Variants in MCTP2 observed in about 807,000 individuals in gnomAD.
MCTP2 encodes the protein multiple C2 and transmembrane domain containing 2, also known as multiple C2 and transmembrane domain-containing protein 2.
In MCTP2, 132 loss-of-function variants were observed where a neutral mutation model predicts 111.6. That is an observed-to-expected ratio of 1.18 (90% CI 1.03 to 1.37). The LOEUF is 1.37. Ranked by LOEUF, MCTP2 falls within the 40% of genes most tolerant of loss-of-function variation. MCTP2 has a pLI of 0.00. For missense variants in MCTP2, 1,183 were observed against 1,067.9 expected (o/e 1.11, Z -1.50); for synonymous variants, 395 against 387.7 (o/e 1.02, Z -0.22).
intron 2 of MCTP2, among the ~76,000 whole-genome samples, chr15:94,307,508 T>G (rs1431592502): frequency 6.6e-6 from 1 of 151,966 alleles, no homozygotes; most frequent in East Asian, 1.9e-4. Flanking sequence ...GAGGCGGCAA[T>G]GGGAGGAGAT....
chr15:94,283,846 C>T (rs1456872065), intron 1 of MCTP2, among the ~76,000 whole-genome samples: 1 of 152,130 alleles, frequency 6.6e-6, no homozygotes, highest in Non-Finnish European at 1.5e-5. Flanking sequence ...ATTCCAACCC[C>T]AAAACACAAT....
At chr15:94,242,907 ATACACATATACACG>A (rs1161815261) in intron 1 of MCTP2, among the ~76,000 whole-genome samples, 4 of 147,786 alleles carry the variant, frequency 2.7e-5, no homozygotes, top group Admixed American at 2.7e-4. Context: ...ATATATATGT[ATACACATATACACG>A]TACACATATA....
At chr15:94,440,880 A>C (rs1054179217) in intron 18 of MCTP2, among the ~76,000 whole-genome samples, 1 of 152,136 alleles carries the variant, frequency 6.6e-6, no homozygotes, top group African/African-American at 2.4e-5. Context: ...TCTCAAAGAC[A>C]TCTCTCCGCA....
chr15:94,240,980 A>G (rs2070904290), intron 1 of MCTP2, among the ~76,000 whole-genome samples: 1 of 152,180 alleles, frequency 6.6e-6, no homozygotes, highest in Non-Finnish European at 1.5e-5. Flanking sequence ...ATCTATTATT[A>G]GCATTAAGAC....
At chr15:94,326,743 T>G (rs2152383958) in intron 4 of MCTP2, among the ~76,000 whole-genome samples, 1 of 151,838 alleles carries the variant, frequency 6.6e-6, no homozygotes, top group East Asian at 1.9e-4. Context: ...AATTTTTGTG[T>G]TTTTAGTAGA....
At chr15:94,323,803 C>G (rs1365729970) in intron 4 of MCTP2, among the ~76,000 whole-genome samples, 9 of 152,144 alleles carry the variant, frequency 5.9e-5, no homozygotes, top group African/African-American at 2.2e-4. Flanking sequence ...CAGCCATTGC[C>G]TGTGTGTTGT....
intron 20 of MCTP2, among the ~76,000 whole-genome samples, chr15:94,467,682 G>GAGAAGACATTTATGTACTGCCCCT (rs1291384791): frequency 7.9e-5 from 12 of 152,080 alleles, no homozygotes; most frequent in African/African-American, 2.9e-4. Flanking sequence ...AACCAGCCTG[G>GAGAAGACATTTATGTACTGCCCCT]AGAAGACATT....
At chr15:94,456,506 T>C (rs1246234020) in intron 19 of MCTP2, among the ~76,000 whole-genome samples, 1 of 152,218 alleles carries the variant, frequency 6.6e-6, no homozygotes, top group African/African-American at 2.4e-5. Flanking sequence ...ACATGAATAC[T>C]TATGTGGCAG....
intron 21 of MCTP2, among the ~76,000 whole-genome samples, chr15:94,472,143 C>G (rs536177296): frequency 6.6e-6 from 1 of 152,140 alleles, no homozygotes; most frequent in African/African-American, 2.4e-5. Flanking sequence ...TTTGGGAGGC[C>G]GAGGCGGGCA....
chr15:94,334,363 A>G (rs899085941), intron 4 of MCTP2, among the ~76,000 whole-genome samples: 2 of 152,238 alleles, frequency 1.3e-5, no homozygotes, highest in African/African-American at 2.4e-5. Context: ...CATTCATCAC[A>G]TAAGTATAAT....
chr15:94,466,879 G>A (rs1465568822), intron 20 of MCTP2, among the ~76,000 whole-genome samples: 1 of 151,894 alleles, frequency 6.6e-6, no homozygotes, highest in Non-Finnish European at 1.5e-5. Context: ...TGCTAGAAAA[G>A]GAATGATAAA....
At position 94,458,266 on chromosome 15, in the gene MCTP2, TGTG is replaced by T. The variant is rs748762842; in HGVS notation, c.2360+24_2360+26del. 40 of 1,486,648 alleles carry T rather than the reference TGTG, an allele frequency of 2.7e-5. No individual in the cohort carries two copies. Among genetic ancestry groups the T allele is most frequent in the Non-Finnish European group, 3.3e-5 (35 of 1,064,450 alleles). The allele number at this position is 1,486,648 out of a possible 1,614,324, so 92.1% of individuals were successfully genotyped here. Reference sequence around the variant, plus strand: ...TAAGAAGTAAGTTCTAAATTTGTGTTGTGGTGTTTGCAGTAGACCTGCTATCCA... The same window carrying T: ...TAAGAAGTAAGTTCTAAATTTGTGTTGTGTTTGCAGTAGACCTGCTATCCA... On this transcript the variant is annotated intron_variant, in intron 20 of 22. Transcript: ENST00000357742.
intron 1 of MCTP2, among the ~76,000 whole-genome samples, chr15:94,296,884 G>A (rs892389294): frequency 6.6e-6 from 1 of 152,176 alleles, no homozygotes; most frequent in South Asian, 2.1e-4. Context: ...CTTGTCATGC[G>A]CTGGTCATTA....
chr15:94,369,294 C>T (rs1177276262), intron 11 of MCTP2, among the ~76,000 whole-genome samples: 3 of 152,120 alleles, frequency 2.0e-5, no homozygotes, highest in African/African-American at 7.2e-5. Flanking sequence ...GTCTGTTTAT[C>T]ACAGGTTTTT....
At chr15:94,340,692 T>A (rs570662865) in intron 6 of MCTP2, 121 bp from the exon 7 acceptor site, 23 of 597,186 alleles carry the variant, frequency 3.9e-5, no homozygotes, top group Admixed American at 2.0e-4. Context: ...TTGTGCTTTC[T>A]TAACATCATG....
intron 8 of MCTP2, among the ~76,000 whole-genome samples, chr15:94,349,752 G>C (rs1398248003): frequency 1.3e-5 from 2 of 150,956 alleles, no homozygotes; most frequent in African/African-American, 4.9e-5. Flanking sequence ...CCTGGGAGGT[G>C]GAGCTTGCAG....
intron 4 of MCTP2, among the ~76,000 whole-genome samples, chr15:94,335,880 T>G (rs2077337215): frequency 6.6e-6 from 1 of 152,116 alleles, no homozygotes; most frequent in Non-Finnish European, 1.5e-5. Context: ...CCCAAGAAAC[T>G]ATTTATGGTG....
chr15:94,248,327 A>G (rs537483865), intron 1 of MCTP2, among the ~76,000 whole-genome samples: 19 of 152,316 alleles, frequency 1.2e-4, no homozygotes, highest in African/African-American at 4.6e-4. Context: ...TCACACAGGC[A>G]TTACCCTTCC....
rs571004353 is a variant in MCTP2, at chr15:94,372,873, T to C, written c.1582+2693T>C. ...GCAAAAGGGAACCTTTCGTTCTTTC[T>C]GCTTTTCTTTTATCATATGTTTTTA... On this transcript the variant is annotated intron_variant, in intron 12 of 22. Coordinates refer to ENST00000357742, the MANE Select transcript of MCTP2 (RefSeq NM_001385001.1). Among the ~76,000 whole-genome samples, 4 of 152,376 alleles carry C rather than the reference T, an allele frequency of 2.6e-5. No homozygotes were observed. The East Asian group carries it at 7.7e-4, about 29-fold the overall frequency.
Sources: allele counts gnomAD v4.1 joint callset (sites outside exome capture counted in the v4.1 genomes callset), GRCh38; gene constraint gnomAD v4.1.1; transcripts MANE v1.5; gene names NCBI Gene and HGNC (gene_info 2026-07-23, HGNC 2026-07-21).